RGPD3: variants seen among roughly 807,000 people sequenced by gnomAD.
RGPD3 encodes RANBP2 like and GRIP domain containing 3.
RGPD3 carries 62 observed loss-of-function variants against 154.5 expected under a neutral mutation model. The ratio of observed to expected loss-of-function variants is 0.40; its 90% confidence interval spans 0.33 to 0.50. The LOEUF (loss-of-function observed/expected upper bound fraction) is 0.50, where lower values mean the gene tolerates loss of function less well. RGPD3 is among the 20% of genes least tolerant of loss of function. RGPD3 has a pLI of 0.59. For synonymous variants in RGPD3, 308 were observed against 607.0 expected (o/e 0.51, Z 7.24); for missense variants, 919 against 1,716.8 (o/e 0.54, Z 8.21).
At chr2:106,415,612 GC>G (rs1375423643) in intron 21 of RGPD3, among the ~76,000 whole-genome samples, 1 of 135,608 alleles carries the variant, frequency 7.4e-6, no homozygotes, top group Non-Finnish European at 1.5e-5. Flanking sequence ...GGGAGGTGGA[GC>G]TTGTAGTGAG....
chr2:106,424,741 G>A lies in RGPD3; in HGVS notation c.3226C>T (p.Gln1076Ter), dbSNP rs944752612. ...KLFRFDAEVS[Q>*]WKERGLGNLK... ...TTCCCCAAGCCCCTTTCTTTCCACT[G>A]ACTTACCTCAGCATCAAATCTAAAT... Residue 1076 changes from glutamine (Q) to a stop codon, truncating the protein, a stop_gained, in exon 20 of 23, where the codon CAG becomes TAG. Transcript: ENST00000409886. LOFTEE classifies it high-confidence loss of function. 1.9e-6 allele frequency: 3 copies of A among 1,611,784 alleles called. No homozygotes were observed. The African/African-American group carries it at 4.0e-5, about 22-fold the overall frequency.
intron 6 of RGPD3, among the ~76,000 whole-genome samples, chr2:106,449,721 C>G (rs1333389295): frequency 1.3e-5 from 2 of 151,256 alleles, no homozygotes; most frequent in Admixed American, 1.3e-4. Context: ...ATCAAGAGGT[C>G]AAGAGATCGA....
intron 6 of RGPD3, among the ~76,000 whole-genome samples, chr2:106,449,326 C>G (rs1187294433): frequency 1.4e-5 from 2 of 147,140 alleles, no homozygotes; most frequent in African/African-American, 5.0e-5. Context: ...ATTAGCCAGG[C>G]GTGGTGGTGG....
At chr2:106,414,537 G>A (rs1333474360) in intron 21 of RGPD3, among the ~76,000 whole-genome samples, 12 of 149,712 alleles carry the variant, frequency 8.0e-5, no homozygotes, top group East Asian at 2.1e-4. Flanking sequence ...CAGGGGAATC[G>A]CTTGAACCTG....
intron 1 of RGPD3, among the ~76,000 whole-genome samples, chr2:106,459,560 T>G (rs1214353920): frequency 6.6e-6 from 1 of 150,394 alleles, no homozygotes; most frequent in African/African-American, 2.5e-5. Context: ...TCCCAGCACT[T>G]TGGGAGGCCG....
intron 21 of RGPD3, among the ~76,000 whole-genome samples, chr2:106,415,146 AAAACTTC>A (rs1371712590): frequency 1.3e-5 from 2 of 150,724 alleles, no homozygotes; most frequent in African/African-American, 4.9e-5. Context: ...TTAAACAGGA[AAAACTTC>A]CCATGCCACT....
intron 20 of RGPD3, among the ~76,000 whole-genome samples, chr2:106,417,841 T>A (rs1676863083): frequency 1.3e-5 from 2 of 151,184 alleles, no homozygotes; most frequent in Admixed American, 1.3e-4. Context: ...TAAAATTTAG[T>A]CATCAAGGCC....
intron 1 of RGPD3, among the ~76,000 whole-genome samples, chr2:106,461,172 C>CT (rs1442811957): frequency 1.7e-5 from 2 of 116,854 alleles, no homozygotes; most frequent in Non-Finnish European, 3.5e-5. Context: ...AAGATTTGTT[C>CT]TTACCATAGA....
intron 20 of RGPD3, among the ~76,000 whole-genome samples, chr2:106,422,378 GTTTTTTGTT>G (rs1677021212): frequency 1.5e-5 from 2 of 129,860 alleles, no homozygotes; most frequent in African/African-American, 5.9e-5. Context: ...TTTGTTTTTT[GTTTTTTGTT>G]TTTTTTGGAG....
At position 106,424,005 on chromosome 2, in the gene RGPD3, T is replaced by A; in HGVS notation, c.3962A>T (p.Glu1321Val). ...QSGTSVGTDE[E>V]SDVTQEEERD... ...CTCTTCTTCTTGAGTAACATCAGAT[T>A]CTTCATCAGTGCCAACTGAAGTCCC... Residue 1321 changes from glutamate to valine, a missense_variant, in exon 20 of 23, where the codon GAA becomes GTA. Transcript: ENST00000409886. The A allele has an allele frequency of 6.2e-7, 1 of 1,611,760 alleles. No individual in the cohort carries two copies. Among genetic ancestry groups the A allele is most frequent in the Non-Finnish European group, 8.5e-7 (1 of 1,179,810 alleles).
chr2:106,468,087 C>T, intron 1 of RGPD3, 130 bp downstream of exon 1: 1 of 1,244,626 alleles, frequency 8.0e-7, no homozygotes, highest in Middle Eastern at 3.0e-4. Context: ...GCCGCCGCCT[C>T]CACAGAGCGC....
At chr2:106,449,644 A>C (rs1386181067) in intron 6 of RGPD3, among the ~76,000 whole-genome samples, 5 of 151,954 alleles carry the variant, frequency 3.3e-5, no homozygotes, top group Non-Finnish European at 7.4e-5. Context: ...TTGGAAGGCC[A>C]AGGCAGGCAG....
intron 6 of RGPD3, among the ~76,000 whole-genome samples, chr2:106,449,127 C>G (rs566348891): frequency 1.0e-3 from 152 of 151,880 alleles, no homozygotes; most frequent in Non-Finnish European, 1.4e-3. Flanking sequence ...TGACACTTTT[C>G]TGACTACTTT....
upstream of RGPD3, among the ~76,000 whole-genome samples, chr2:106,468,927 G>A (rs1678739547): frequency 1.4e-5 from 2 of 143,708 alleles, no homozygotes; most frequent in African/African-American, 2.6e-5. Context: ...AGTATTTAGT[G>A]GTATTTCCCC....
chr2:106,437,720 T>C (rs1292270694), intron 9 of RGPD3, among the ~76,000 whole-genome samples: 7 of 151,818 alleles, frequency 4.6e-5, no homozygotes, highest in African/African-American at 1.7e-4. Flanking sequence ...TTATTAACAG[T>C]GGAAAAGTTG....
intron 20 of RGPD3, 111 bp downstream of exon 20, chr2:106,422,932 T>C: frequency 6.3e-7 from 1 of 1,595,714 alleles, no homozygotes; most frequent in Non-Finnish European, 8.5e-7. Context: ...TTTAGGGGTG[T>C]TCACAAAGCA....
chr2:106,415,064 C>G (rs1337431801), intron 21 of RGPD3, among the ~76,000 whole-genome samples: 1 of 151,724 alleles, frequency 6.6e-6, no homozygotes, highest in Non-Finnish European at 1.5e-5. Context: ...ATCAGTGAGC[C>G]AGGGTGGAAA....
chr2:106,431,487 G>T (rs1180804651), intron 17 of RGPD3, among the ~76,000 whole-genome samples: 3 of 152,248 alleles, frequency 2.0e-5, no homozygotes, highest in African/African-American at 7.2e-5. Context: ...GGCAGAGTCA[G>T]TACTAGTACC....
At chr2:106,436,312 A>G (rs1053718497) in intron 11 of RGPD3, 66 bp from the exon 12 acceptor site, 21 of 1,610,914 alleles carry the variant, frequency 1.3e-5, no homozygotes, top group Non-Finnish European at 1.7e-5. Context: ...ACATACATAT[A>G]TGTTAATGGG....
Sources: allele counts gnomAD v4.1 joint callset (sites outside exome capture counted in the v4.1 genomes callset), GRCh38; gene constraint gnomAD v4.1.1; transcripts MANE v1.5; gene names NCBI Gene and HGNC (gene_info 2026-07-23, HGNC 2026-07-21).